Variants in SERPINF1 observed in about 807,000 individuals in gnomAD.
The protein encoded by SERPINF1 is serpin family F member 1, also known as pigment epithelium-derived factor.
SERPINF1 carries 29 observed loss-of-function variants against 37.3 expected under a neutral mutation model. The observed-to-expected ratio is 0.78, with a 90% confidence interval of 0.58 to 1.06. The LOEUF is 1.06. SERPINF1 is among the 50% of genes least tolerant of loss of function. The pLI, the probability that SERPINF1 is intolerant of heterozygous loss-of-function variation, is 0.00. For missense variants in SERPINF1, 553 were observed against 532.2 expected (o/e 1.04, Z -0.38); for synonymous variants, 281 against 227.9 (o/e 1.23, Z -2.10).
chr17:1,769,627 T>TA lies in SERPINF1; in HGVS notation c.85-215dup, dbSNP rs1165583284. The TA allele has an allele frequency of 0.022, 10,396 of 469,400 alleles. 27 individuals carry two copies. Among genetic ancestry groups the TA allele is most frequent in the African/African-American group, 0.043 (2,118 of 49,616 alleles). 29.1% of individuals were successfully genotyped at this position (469,400 alleles called of 1,614,324 possible). A position where few individuals can be genotyped will look rare whatever the true frequency, so the allele number is the denominator to read the frequency against. On this transcript the variant is annotated intron_variant, in intron 2 of 7. Coordinates refer to ENST00000254722, the MANE Select transcript of SERPINF1 (RefSeq NM_002615.7). ...TGACACAGTAAGACTCTGTCTCAAA[T>TA]AAAAAAAAAACAGCTGATCTCTCTT...
In SERPINF1 at chr17:1,771,227, TC is replaced by T. The variant is rs1907714892; in HGVS notation, c.439+45del. 3 of 1,589,194 alleles carry T rather than the reference TC, an allele frequency of 1.9e-6. No individual in the cohort carries two copies. The South Asian group carries it at 3.3e-5, about 18-fold the overall frequency. ...CCCAAGTTGCCTGAGGCATGTGGGC[TC>T]CATGCTGCAGGCTGGGGGGGTCTTT... On this transcript the variant is annotated intron_variant, in intron 4 of 7. Coordinates refer to ENST00000254722, the MANE Select transcript of SERPINF1 (RefSeq NM_002615.7).
intron 5 of SERPINF1, among the ~76,000 whole-genome samples, chr17:1,773,447 TGCTGGCCAG>T (rs1328023642): frequency 1.3e-5 from 2 of 152,098 alleles, no homozygotes; most frequent in African/African-American, 2.4e-5. Context: ...GGTTTCGCCA[TGCTGGCCAG>T]GCTGTTCTCG....
In SERPINF1 at chr17:1,777,512, G is replaced by A. The variant is rs1012400251; in HGVS notation, c.*66G>A. On this transcript the variant is annotated 3_prime_UTR_variant, in exon 8 of 8. Transcript: ENST00000254722. ...AGGGACAGCAGATTCCACAGGACAC[G>A]AAGGCTGCCCCTGTAAGGTTTCAAT... is the stretch of plus-strand genomic sequence containing the variant. 10 of 1,602,878 alleles carry A rather than the reference G, an allele frequency of 6.2e-6. No homozygotes were observed. In the Admixed American group the frequency reaches 1.0e-4, roughly 16 times the overall value.
chr17:1,767,208 A>G (rs544635073), intron 2 of SERPINF1, among the ~76,000 whole-genome samples: 1 of 152,206 alleles, frequency 6.6e-6, no homozygotes, highest in Non-Finnish European at 1.5e-5. Context: ...AGATCCCAAA[A>G]GAGTAAAAAT....
At chr17:1,771,714 G>C (rs1273519271) in intron 4 of SERPINF1, 158 bp from the exon 5 acceptor site, 8 of 732,406 alleles carry the variant, frequency 1.1e-5, no homozygotes, top group Non-Finnish European at 1.9e-5. Context: ...CCAGTGCCTG[G>C]GGATGCCAGC....
chr17:1,771,281 C>T (rs1907721382), intron 4 of SERPINF1, 97 bp downstream of exon 4: 7 of 1,284,918 alleles, frequency 5.4e-6, no homozygotes, highest in Non-Finnish European at 7.4e-6. Context: ...CGGAGTCTCG[C>T]TCTGTTGCCC....
chr17:1,764,771 T>C (rs966173121), intron 1 of SERPINF1, among the ~76,000 whole-genome samples: 5 of 151,790 alleles, frequency 3.3e-5, no homozygotes, highest in Non-Finnish European at 7.4e-5. Flanking sequence ...TGTATATAAA[T>C]GGATAATGAA....
chr17:1,771,014 C>A lies in SERPINF1; in HGVS notation c.284-15C>A. The stretch of plus-strand genomic sequence containing the variant: ...GGTGTGCAGTTATCAACGTCCACAT[C>A]CTTGTCTCTGGCAGGAGCGGAGCAG... On this transcript the variant is annotated splice_polypyrimidine_tract_variant and intron_variant, in intron 3 of 7. Coordinates refer to ENST00000254722, the MANE Select transcript of SERPINF1 (RefSeq NM_002615.7). 1.2e-6 allele frequency: 2 copies of A among 1,613,882 alleles called. No homozygotes were observed. Among genetic ancestry groups the A allele is most frequent in the South Asian group, 2.2e-5 (2 of 91,084 alleles).
intron 4 of SERPINF1, among the ~76,000 whole-genome samples, chr17:1,771,506 G>A (rs1907735693): frequency 6.6e-6 from 1 of 152,004 alleles, no homozygotes; most frequent in African/African-American, 2.4e-5. Flanking sequence ...CCAAAGTGCT[G>A]GGATTACAGG....
chr17:1,777,458 A>C lies in SERPINF1; in HGVS notation c.*12A>C, dbSNP rs1412753964. The C allele has an allele frequency of 6.8e-6, 11 of 1,614,010 alleles. No homozygotes were observed. The highest frequency in any genetic ancestry group is 8.5e-6 in the Non-Finnish European group (10 of 1,180,028). On this transcript the variant is annotated 3_prime_UTR_variant, in exon 8 of 8. Coordinates refer to ENST00000254722, the MANE Select transcript of SERPINF1 (RefSeq NM_002615.7). The stretch of plus-strand genomic sequence containing the variant: ...CCAGGGGCCCCTAATATCCCAGTTT[A>C]ATATTCCAATACCCTAGAAGAAAAC...
At chr17:1,773,280 G>A (rs537251338) in intron 5 of SERPINF1, among the ~76,000 whole-genome samples, 35 of 152,154 alleles carry the variant, frequency 2.3e-4, no homozygotes, top group African/African-American at 8.2e-4. Flanking sequence ...GTCTCATTCT[G>A]TTGCCCAGGC....
rs763947363 is a variant in SERPINF1, at chr17:1,769,890, G to A, written c.123G>A (p.Glu41=). The A allele has an allele frequency of 6.2e-7, 1 of 1,614,186 alleles. No homozygotes were observed. The highest frequency in any genetic ancestry group is 8.5e-7 in the Non-Finnish European group (1 of 1,180,018). Residue 41 remains glutamate, a synonymous_variant, in exon 3 of 8, where the codon GAG becomes GAA. Coordinates refer to ENST00000254722, the MANE Select transcript of SERPINF1 (RefSeq NM_002615.7). ...CCGACAGCACAGGGGCGCTGGTGGA[G>A]GAGGAGGATCCTTTCTTCAAAGTCC... ...PDPDSTGALV[E]EEDPFFKVPV...
In SERPINF1 at chr17:1,777,439, G is replaced by T; in HGVS notation, c.1250G>T (p.Gly417Val). The T allele has an allele frequency of 1.9e-6, 3 of 1,614,088 alleles. No individual in the cohort carries two copies. The highest frequency in any genetic ancestry group is 2.5e-6 in the Non-Finnish European group (3 of 1,180,018). The change falls in exon 8 of 8, where the codon GGC becomes GTC. Residue 417 changes from glycine (G) to valine (V), a missense_variant. Transcript: ENST00000254722. ...ATTGGCAAGATTCTGGACCCCAGGG[G>T]CCCCTAATATCCCAGTTTAATATTC... ...LFIGKILDPR[G>V]P is the part of the protein sequence containing the mutation.
In SERPINF1 at chr17:1,769,991, C is replaced by CGACCA; in HGVS notation, c.225_229dup (p.Asn77ArgfsTer38). ...CGGGTGCGATCCAGCACGAGCCCCA[C>CGACCA]GACCAACGTGCTCCTGTCTCCTCTC... On this transcript the variant is annotated frameshift_variant, in exon 3 of 8. Coordinates refer to ENST00000254722, the MANE Select transcript of SERPINF1 (RefSeq NM_002615.7). LOFTEE classifies it high-confidence loss of function. The CGACCA allele has an allele frequency of 6.2e-7, 1 of 1,614,164 alleles. No individual in the cohort carries two copies. Among genetic ancestry groups the CGACCA allele is most frequent in the Non-Finnish European group, 8.5e-7 (1 of 1,179,998 alleles).
intron 1 of SERPINF1, among the ~76,000 whole-genome samples, chr17:1,763,488 CATT>C (rs1345041197): frequency 2.0e-5 from 3 of 152,330 alleles, no homozygotes; most frequent in Admixed American, 6.5e-5. Context: ...AGGATGGCAT[CATT>C]GTCTGTGGCT....
chr17:1,770,448 T>C (rs903965250), intron 3 of SERPINF1: 19 of 243,624 alleles, frequency 7.8e-5, no homozygotes, highest in Admixed American at 2.2e-4. Flanking sequence ...CACTACAGAA[T>C]AGTCTTTTTT....
chr17:1,766,916 G>A lies in SERPINF1; in HGVS notation c.6G>A (p.Gln2=), dbSNP rs757837759. 6.4e-6 allele frequency: 10 copies of A among 1,561,074 alleles called. 1 individual carries two copies. The Middle Eastern group carries it at 6.7e-4, about 105-fold the overall frequency. ...CTTTTCTTGCAGGCCCCAGGATGCA[G>A]GCCCTGGTGCTACTCCTCTGCATTG... The part of the protein sequence containing the change: M[Q]ALVLLLCIGA... The change falls in exon 2 of 8, where the codon CAG becomes CAA. Residue 2 remains glutamine, a synonymous_variant. Transcript: ENST00000254722.
chr17:1,772,088 C>T lies in SERPINF1; in HGVS notation c.643+13C>T, dbSNP rs763947770. On this transcript the variant is annotated intron_variant, in intron 5 of 7. Coordinates refer to ENST00000254722, the MANE Select transcript of SERPINF1 (RefSeq NM_002615.7). ...GCGCACTTCAAGGGTGAGCGCGTCT[C>T]CAATTCTTTTTCATTTATTTTACTG... The T allele has an allele frequency of 1.2e-6, 2 of 1,610,294 alleles. No individual in the cohort carries two copies. Among genetic ancestry groups the T allele is most frequent in the East Asian group, 2.2e-5 (1 of 44,840 alleles).
chr17:1,772,546 C>A (rs973883074), intron 5 of SERPINF1, among the ~76,000 whole-genome samples: 4 of 151,582 alleles, frequency 2.6e-5, no homozygotes, highest in South Asian at 4.2e-4. Context: ...CCACCGCGCC[C>A]GGCCCTTTTA....
Sources: allele counts gnomAD v4.1 joint callset (sites outside exome capture counted in the v4.1 genomes callset), GRCh38; gene constraint gnomAD v4.1.1; transcripts MANE v1.5; gene names NCBI Gene and HGNC (gene_info 2026-07-23, HGNC 2026-07-21).